The following MYH8 variants were observed in gnomAD, a reference collection of about 807,000 sequenced individuals.
MYH8 encodes the protein myosin-8.
Under a neutral mutation model 233.2 loss-of-function variants are expected in MYH8, and 168 were observed. The ratio of observed to expected loss-of-function variants is 0.72; its 90% confidence interval spans 0.64 to 0.82. The LOEUF (loss-of-function observed/expected upper bound fraction) is 0.82. MYH8 is among the 40% of genes least tolerant of loss of function. The pLI is 0.00. For synonymous variants in MYH8, 785 were observed against 850.6 expected (o/e 0.92, Z 1.34); for missense variants, 1,995 against 2,327.8 (o/e 0.86, Z 2.94).
rs1313995209 is a variant in MYH8 at position 10,420,184 on chromosome 17, G to A, written c.44C>T (p.Ala15Val). The A allele has an allele frequency of 3.7e-6, 6 of 1,613,794 alleles. No individual in the cohort carries two copies. The highest frequency in any genetic ancestry group is 2.2e-5 in the East Asian group (1 of 44,898). The part of the protein sequence containing the change: ...SDAEMAVFGE[A>V]APYLRKSEKE... Reference sequence around the variant, plus strand: ...TTCTGATTTTCGAAGGTAGGGAGCAGCTTCGCCAAAAACAGCCATCTCAGC... The same window carrying A: ...TTCTGATTTTCGAAGGTAGGGAGCAACTTCGCCAAAAACAGCCATCTCAGC... Residue 15 changes from alanine (A) to valine (V), a missense_variant, in exon 3 of 40, where the codon GCT (alanine) becomes GTT (valine). By Grantham distance (64) the Ala-to-Val change is moderately conservative. Transcript: ENST00000403437.
intron 38 of MYH8, 54 bp downstream of exon 38, chr17:10,392,488 T>C: frequency 2.7e-6 from 4 of 1,491,262 alleles, no homozygotes; most frequent in Non-Finnish European, 3.7e-6. Context: ...CATAAGGTTT[T>C]CAATTTCCTT....
rs779049783 is a variant in MYH8, at chr17:10,420,138, T to C, written c.90A>G (p.Gln30=). The change falls in exon 3 of 40, where the codon CAA becomes CAG. Residue 30 remains glutamine (Q), a synonymous_variant. Transcript: ENST00000403437. ...ATGTTTTAGCATCAAACGGCTTGTT[T>C]TGGGCCTCAATCCGCTCCTTTTCTG... ...RKSEKERIEA[Q]NKPFDAKTSV... is the part of the protein sequence containing the mutation. 34 of 1,614,264 alleles carry C rather than the reference T, an allele frequency of 2.1e-5. No homozygotes were observed. The highest frequency in any genetic ancestry group is 2.7e-5 in the Non-Finnish European group (32 of 1,180,052).
chr17:10,418,925 ACAG>A lies in MYH8; in HGVS notation c.313_315del (p.Leu105del). 1 of 1,614,186 alleles carries A rather than the reference ACAG, an allele frequency of 6.2e-7. No individual in the cohort carries two copies. The highest frequency in any genetic ancestry group is 8.5e-7 in the Non-Finnish European group (1 of 1,180,012). On this transcript the variant is annotated inframe_deletion, in exon 4 of 40. Transcript: ENST00000403437. ...GCTGCATAGCGCTCTTTGAGGTTGTACAGCACTCCAGGCTCGTGTAGATGAGTC... is the reference window on the plus strand; with the variant it reads ...GCTGCATAGCGCTCTTTGAGGTTGTACACTCCAGGCTCGTGTAGATGAGTC...
In MYH8 at chr17:10,398,726, G is replaced by T. The variant is rs747325100; in HGVS notation, c.3981+42C>A. ...TCCCAAGTAGAGCCTAACTGGGCAG[G>T]TTTAGATTTGGTTAGTCAAAAAAAT... On this transcript the variant is annotated intron_variant, in intron 29 of 39. Coordinates refer to ENST00000403437, the MANE Select transcript of MYH8 (RefSeq NM_002472.3). 4 of 1,613,212 alleles carry T rather than the reference G, an allele frequency of 2.5e-6. No individual in the cohort carries two copies. The Admixed American group carries it at 5.0e-5, about 20-fold the overall frequency.
At chr17:10,394,596 A>G (rs949959283) in intron 34 of MYH8, 144 bp from the exon 35 acceptor site, 5 of 1,053,248 alleles carry the variant, frequency 4.7e-6, no homozygotes, top group Non-Finnish European at 7.0e-6. Context: ...TGGTTAGGTC[A>G]TTTGCTTAGG....
Position 10,406,094 on chromosome 17 carries a change from A to G in MYH8, c.2379T>C (p.Ala793=). ...CCCTCATTAGGAATCCCCTACAGAC[A>G]GCTTGTGTTCTTGTTATAATTTGGG... The part of the protein sequence containing the change: ...KLAQIITRTQ[A]VCRGFLMRVE... The change falls in exon 21 of 40, where the codon GCT becomes GCC. Residue 793 remains alanine (A), a synonymous_variant. Transcript: ENST00000403437. The G allele has an allele frequency of 6.2e-7, 1 of 1,614,098 alleles. No homozygotes were observed. The highest frequency in any genetic ancestry group is 8.5e-7 in the Non-Finnish European group (1 of 1,180,014).
chr17:10,408,125 A>G (rs1470658480), intron 17 of MYH8, among the ~76,000 whole-genome samples: 9 of 151,530 alleles, frequency 5.9e-5, no homozygotes, highest in African/African-American at 2.2e-4. Flanking sequence ...ATTCTTAGTA[A>G]AGATGGGGTT....
chr17:10,404,477 C>G lies in MYH8; in HGVS notation c.2541G>C (p.Glu847Asp). 6.2e-7 allele frequency: 1 copy of G among 1,613,988 alleles called. No homozygotes were observed. ...TCATGGTGGCCATCTCTTTCTCGGT[C>G]TCTGCACTCTTGAGGAGGGGCTTAA... is the stretch of plus-strand genomic sequence containing the variant. Reference protein sequence around the residue: ...FKIKPLLKSAETEKEMATMKE... With the variant: ...FKIKPLLKSADTEKEMATMKE... Residue 847 changes from glutamate to aspartate, a missense_variant, in exon 22 of 40, where the codon GAG becomes GAC. Physicochemically the swap from Glu to Asp is conservative, Grantham distance 45 (BLOSUM62 2). Coordinates refer to ENST00000403437, the MANE Select transcript of MYH8 (RefSeq NM_002472.3).
chr17:10,409,202 A>G (rs1056113090), intron 16 of MYH8, 38 bp from the exon 17 acceptor site: 27 of 1,613,600 alleles, frequency 1.7e-5, no homozygotes, highest in Non-Finnish European at 2.2e-5. Context: ...AGAATAGAAT[A>G]CCAGAGGCTT....
intron 15 of MYH8, among the ~76,000 whole-genome samples, chr17:10,410,470 GA>G (rs1406351165): frequency 6.6e-6 from 1 of 152,132 alleles, no homozygotes; most frequent in East Asian, 1.9e-4. Context: ...TCATAATGGA[GA>G]TAGATCAAGA....
rs756830106 is a variant in MYH8 at position 10,399,645 on chromosome 17, A to G, written c.3760T>C (p.Ser1254Pro). 4 of 1,614,082 alleles carry G rather than the reference A, an allele frequency of 2.5e-6. No homozygotes were observed. In the South Asian group the frequency reaches 4.4e-5, roughly 18 times the overall value. ...AKGNLEKMCR[S>P]LEDQVSELKT... Reference sequence around the variant, plus strand: ...AGCTCACTCACTTGATCTTCTAGAGAGCGGCACATCTTTTCAAGGTTTCCC... The same window carrying G: ...AGCTCACTCACTTGATCTTCTAGAGGGCGGCACATCTTTTCAAGGTTTCCC... The change falls in exon 28 of 40, where the codon TCT becomes CCT. Residue 1254 changes from serine (S) to proline (P), a missense_variant. Ser to Pro is a moderately conservative substitution (Grantham distance 74). Around this residue, in one of 3 missense-constraint regions of MYH8, gnomAD observed 1,498 missense variants for 1,680.9 expected, o/e 0.89. Coordinates refer to ENST00000403437, the MANE Select transcript of MYH8 (RefSeq NM_002472.3).
intron 21 of MYH8, among the ~76,000 whole-genome samples, chr17:10,405,652 G>A (rs2072186204): frequency 1.3e-5 from 2 of 152,150 alleles, no homozygotes; most frequent in African/African-American, 4.8e-5. Flanking sequence ...TAGGATGAGG[G>A]GAGAGATGAG....
intron 5 of MYH8, among the ~76,000 whole-genome samples, chr17:10,416,292 C>T (rs1230210944): frequency 6.6e-6 from 1 of 152,136 alleles, no homozygotes; most frequent in Non-Finnish European, 1.5e-5. Flanking sequence ...GAGTTTCCTT[C>T]CTTTTAAAGG....
rs1321244403 is a variant in MYH8, at chr17:10,420,040, G to T, written c.188C>A (p.Thr63Asn). Residue 63 changes from threonine (T) to asparagine (N), a missense_variant, in exon 3 of 40, where the codon ACC becomes AAC. Physicochemically the swap from Thr to Asn is moderately conservative, Grantham distance 65. This residue lies in a region of MYH8 where 479 missense variants were observed against 600.9 expected (regional missense o/e 0.80). Coordinates refer to ENST00000403437, the MANE Select transcript of MYH8 (RefSeq NM_002472.3). ...TIQSKEGGKV[T>N]VKTEGGATLT... Reference sequence around the variant, plus strand: ...TACTGCTCCACCTTCAGTCTTTACGGTTACTTTCCCTCCTTCTTTGCTTTG... The same window carrying T: ...TACTGCTCCACCTTCAGTCTTTACGTTTACTTTCCCTCCTTCTTTGCTTTG... 1 of 1,614,140 alleles carries T rather than the reference G, an allele frequency of 6.2e-7. No individual in the cohort carries two copies. Among genetic ancestry groups the T allele is most frequent in the African/African-American group, 1.3e-5 (1 of 75,050 alleles).
Position 10,390,362 on chromosome 17 carries a change from T to C in MYH8, c.*92A>G, listed in dbSNP as rs1339048592. On this transcript the variant is annotated 3_prime_UTR_variant, in exon 40 of 40. Transcript: ENST00000403437. ...TACTGTAGTTTTTATTTATTCAGCTTTAACAGGAAAATAAACGTCATAAAG... is the reference window on the plus strand; with the variant it reads ...TACTGTAGTTTTTATTTATTCAGCTCTAACAGGAAAATAAACGTCATAAAG... 1 of 1,517,376 alleles carries C rather than the reference T, an allele frequency of 6.6e-7. No homozygotes were observed. Among genetic ancestry groups the C allele is most frequent in the Non-Finnish European group, 9.1e-7 (1 of 1,094,372 alleles). The allele number at this position is 1,517,376 out of a possible 1,614,324, so 94.0% of individuals were successfully genotyped here.
In MYH8 at chr17:10,406,902, G is replaced by C. The variant is rs1385226573; in HGVS notation, c.2043C>G (p.Thr681=). ...CTCTCTGTGTCTTACCAGGAGTTTT[G>C]GTTTCATTGGGAATGATACACCGTA... ...HFVRCIIPNE[T]KTPGAMEHEL... Residue 681 remains threonine, a synonymous_variant, in exon 18 of 40, where the codon ACC becomes ACG. Transcript: ENST00000403437. 3 of 1,613,566 alleles carry C rather than the reference G, an allele frequency of 1.9e-6. No individual in the cohort carries two copies. The highest frequency in any genetic ancestry group is 1.7e-6 in the Non-Finnish European group (2 of 1,179,690).
In MYH8 at chr17:10,421,310, A is replaced by G. The variant is rs1388280350; in HGVS notation, c.-31+353T>C. ...TATTTCTAGGTAAAAATCTTTCTGGAGTCTTTAAAAATGTCTATAAAATGT... is the reference window on the plus strand; with the variant it reads ...TATTTCTAGGTAAAAATCTTTCTGGGGTCTTTAAAAATGTCTATAAAATGT... On this transcript the variant is annotated intron_variant, in intron 2 of 39. Coordinates refer to ENST00000403437, the MANE Select transcript of MYH8 (RefSeq NM_002472.3). Among the ~76,000 whole-genome samples the G allele has an allele frequency of 3.9e-5, 6 of 152,260 alleles. No homozygotes were observed. The East Asian group carries it at 1.2e-3, about 29-fold the overall frequency.
rs767041362 is a variant in MYH8 at position 10,399,540 on chromosome 17, T to C, written c.3862+3A>G. 1.9e-5 allele frequency: 30 copies of C among 1,613,250 alleles called. No individual in the cohort carries two copies. ...TGTTGGGACCCAGAGAAGATGTCTT[T>C]ACCCGCTTCTGTCTGCAGGCGCGCT... On this transcript the variant is annotated splice_donor_region_variant and intron_variant, in intron 28 of 39. Coordinates refer to ENST00000403437, the MANE Select transcript of MYH8 (RefSeq NM_002472.3).
In MYH8 at chr17:10,393,991, C is replaced by CTTTTTTT. The variant is rs35512526; in HGVS notation, c.5166+251_5166+257dup. Among the ~76,000 whole-genome samples the CTTTTTTT allele has an allele frequency of 5.7e-3, 206 of 36,006 alleles. 29 individuals carry two copies. Among genetic ancestry groups the CTTTTTTT allele is most frequent in the African/African-American group, 0.022 (174 of 8,016 alleles). 23.6% of individuals were successfully genotyped at this position (36,006 alleles called of 152,430 possible). ...TTATTTTTAAATAAAAAAGTAATAGCTTTTTTTTTTTTTTTTTTTTTTTTT... is the reference window on the plus strand; with the variant it reads ...TTATTTTTAAATAAAAAAGTAATAGCTTTTTTTTTTTTTTTTTTTTTTTTTTTTTTTT... On this transcript the variant is annotated intron_variant, in intron 35 of 39. Coordinates refer to ENST00000403437, the MANE Select transcript of MYH8 (RefSeq NM_002472.3).
Sources: gnomAD v4.1 joint callset for allele counts (sites outside exome capture counted in the v4.1 genomes callset) on GRCh38, gnomAD v4.1.1 for gene constraint, gnomAD v4.1.1 regional missense constraint, MANE v1.5 for transcripts, NCBI Gene and HGNC (gene_info 2026-07-23, HGNC 2026-07-21) for gene names.